NDE1: variants seen among roughly 807,000 people sequenced by gnomAD.
The protein encoded by NDE1 is nudE neurodevelopment protein 1, also known as nuclear distribution protein nudE homolog 1.
NDE1 carries 28 observed loss-of-function variants against 43.4 expected under a neutral mutation model. The observed-to-expected ratio is 0.65, with a 90% CI of 0.48 to 0.89. The LOEUF is 0.89. NDE1 is among the 40% of genes least tolerant of loss of function. NDE1 has a pLI of 0.00. For synonymous variants in NDE1, 184 were observed against 172.0 expected (o/e 1.07, Z -0.55); for missense variants, 441 against 434.1 (o/e 1.02, Z -0.14).
intron 3 of NDE1, among the ~76,000 whole-genome samples, chr16:15,669,827 T>C (rs2037502731): frequency 6.6e-6 from 1 of 152,186 alleles, no homozygotes; most frequent in Non-Finnish European, 1.5e-5. Flanking sequence ...ATCCCTGGCC[T>C]CCACCCTCTA....
chr16:15,691,113 C>G, intron 5 of NDE1, 31 bp from the exon 6 acceptor site: 3 of 1,613,844 alleles, frequency 1.9e-6, no homozygotes, highest in Non-Finnish European at 2.5e-6. Flanking sequence ...TGGCTGAGGA[C>G]TTGAATTCCT....
At position 15,725,521 on chromosome 16, in the gene NDE1, C is replaced by G. The variant is rs2040709896; in HGVS notation, c.*1270C>G. The G allele has an allele frequency of 2.4e-6, 1 of 419,290 alleles. No individual in the cohort carries two copies. Among genetic ancestry groups the G allele is most frequent in the Non-Finnish European group, 4.2e-6 (1 of 237,778 alleles). 26.0% of individuals were successfully genotyped at this position (419,290 alleles called of 1,614,324 possible). ...AAGGTAAAAACGTCCTCTCTGTATT[C>G]TCTGGCTTTTACTCCCTAGTGTCTC... On this transcript the variant is annotated 3_prime_UTR_variant, in exon 9 of 9. Coordinates refer to ENST00000396354, the MANE Select transcript of NDE1 (RefSeq NM_017668.3).
chr16:15,672,096 T>C (rs1206818709), intron 3 of NDE1, among the ~76,000 whole-genome samples: 1 of 151,970 alleles, frequency 6.6e-6, no homozygotes, highest in East Asian at 1.9e-4. Flanking sequence ...CCATGGATCC[T>C]GAGTAAAATA....
chr16:15,720,745 AGAAAAC>A, intron 8 of NDE1: 1 of 1,328,236 alleles, frequency 7.5e-7, no homozygotes, highest in Non-Finnish European at 1.0e-6. Flanking sequence ...AAAAAAATAA[AGAAAAC>A]GAAGTTTCCA....
chr16:15,720,297 T>C, intron 8 of NDE1: 1 of 1,614,050 alleles, frequency 6.2e-7, no homozygotes, highest in Non-Finnish European at 8.5e-7. Context: ...TCCAGTTCCG[T>C]CTCATACTCG....
At chr16:15,661,811 C>T (rs1458223232) in intron 1 of NDE1, among the ~76,000 whole-genome samples, 1 of 151,996 alleles carries the variant, frequency 6.6e-6, no homozygotes, top group Non-Finnish European at 1.5e-5. Context: ...AGGTAGAGCC[C>T]CAGAAGATGT....
At chr16:15,708,344 A>G (rs540933012) in intron 8 of NDE1, among the ~76,000 whole-genome samples, 15 of 152,334 alleles carry the variant, frequency 9.8e-5, no homozygotes, top group South Asian at 2.1e-4. Context: ...AGACCAGCCA[A>G]CTAGAAGCCA....
chr16:15,670,519 T>G (rs887988689), intron 3 of NDE1, among the ~76,000 whole-genome samples: 14 of 152,026 alleles, frequency 9.2e-5, no homozygotes, highest in African/African-American at 2.4e-4. Context: ...TAGCTGGGTG[T>G]TGTTGTATGT....
At chr16:15,663,542 T>G (rs1567623616) in intron 1 of NDE1, among the ~76,000 whole-genome samples, 2 of 151,982 alleles carry the variant, frequency 1.3e-5, no homozygotes, top group Non-Finnish European at 2.9e-5. Context: ...GCACCTGGCT[T>G]TTTCATATTC....
upstream of NDE1, among the ~76,000 whole-genome samples, chr16:15,647,551 C>T (rs796180477): frequency 5.9e-5 from 9 of 152,276 alleles, no homozygotes; most frequent in African/African-American, 2.2e-4. Flanking sequence ...TCTGAAGTGA[C>T]CCCTCCCAGC....
At chr16:15,668,043 C>A (rs949608634) in intron 3 of NDE1, among the ~76,000 whole-genome samples, 2 of 151,702 alleles carry the variant, frequency 1.3e-5, no homozygotes, top group Admixed American at 6.6e-5. Flanking sequence ...CAGCTCACTG[C>A]ACCCTGGACG....
At chr16:15,709,350 A>C in intron 8 of NDE1, among the ~76,000 whole-genome samples, 1 of 151,010 alleles carries the variant, frequency 6.6e-6, no homozygotes, top group East Asian at 2.0e-4. Context: ...ATACTCTGTC[A>C]CCCAGGATGG....
At chr16:15,717,391 C>T (rs1285517551) in intron 8 of NDE1, 3 of 1,595,874 alleles carry the variant, frequency 1.9e-6, no homozygotes, top group Non-Finnish European at 2.6e-6. Context: ...TCAGGGAAGC[C>T]CAAGAGAGCG....
At chr16:15,694,469 C>T in intron 7 of NDE1, 1 of 1,334,218 alleles carries the variant, frequency 7.5e-7, no homozygotes, top group Non-Finnish European at 1.0e-6. Context: ...CCTTAGCTTC[C>T]CGAGGAGCTT....
chr16:15,652,839 A>G (rs1001168843), intron 1 of NDE1, among the ~76,000 whole-genome samples: 3 of 151,664 alleles, frequency 2.0e-5, no homozygotes, highest in Admixed American at 2.0e-4. Flanking sequence ...AATTTTTAAA[A>G]TTTTTTGTAG....
intron 3 of NDE1, among the ~76,000 whole-genome samples, chr16:15,675,285 G>A (rs777441554): frequency 1.1e-4 from 17 of 151,220 alleles, no homozygotes; most frequent in Admixed American, 3.3e-4. Context: ...TGCAACCTCC[G>A]CCTCCCGGGT....
intron 7 of NDE1, chr16:15,694,559 G>A (rs2038921443): frequency 1.1e-6 from 1 of 891,616 alleles, no homozygotes; most frequent in South Asian, 5.2e-5. Context: ...TGTTGCCCAG[G>A]CTGGTCTTAA....
At chr16:15,694,623 C>T (rs8054749) in intron 7 of NDE1, 29,608 of 984,858 alleles carry the variant, frequency 0.03, 575 homozygotes, top group South Asian at 0.086. Context: ...TCTGGGATTA[C>T]AGGCATGAGC....
rs886051736 is a variant in NDE1 at position 15,714,921 on chromosome 16, T to C, written c.948-9270T>C. The C allele has an allele frequency of 3.7e-6, 6 of 1,613,868 alleles. No homozygotes were observed. The highest frequency in any genetic ancestry group is 2.7e-5 in the African/African-American group (2 of 74,928). On this transcript the variant is annotated intron_variant, in intron 8 of 8. Transcript: ENST00000396354. Reference sequence around the variant, plus strand: ...ACGGGCTCCTCACCTGAGCTTGCTCTTGAGTGCGTTCACCTCGCGGCCCAT... The same window carrying C: ...ACGGGCTCCTCACCTGAGCTTGCTCCTGAGTGCGTTCACCTCGCGGCCCAT...
Sources: gnomAD v4.1 joint callset for allele counts (sites outside exome capture counted in the v4.1 genomes callset) on GRCh38, gnomAD v4.1.1 for gene constraint, MANE v1.5 for transcripts, NCBI Gene and HGNC (gene_info 2026-07-23, HGNC 2026-07-21) for gene names.